EBF1: variants seen among roughly 807,000 people sequenced by gnomAD.
EBF1 encodes EBF transcription factor 1, also known as transcription factor COE1.
A neutral mutation model predicts 68.4 loss-of-function variants in EBF1; 10 were observed. That is an observed-to-expected ratio of 0.15 (90% confidence interval 0.09 to 0.25). EBF1 has a LOEUF of 0.25. EBF1 is among the 10% of genes least tolerant of loss of function. EBF1 has a pLI of 1.00. For missense variants in EBF1, 509 were observed against 794.4 expected, an observed-to-expected ratio of 0.64 and a Z score of 4.32; for synonymous variants, 298 against 299.8, an observed-to-expected ratio of 0.99 and a Z score of 0.06.
At chr5:159,094,808 T>C (rs1782297490) in intron 4 of EBF1, among the ~76,000 whole-genome samples, 1 of 152,214 alleles carries the variant, frequency 6.6e-6, no homozygotes, top group Non-Finnish European at 1.5e-5. Flanking sequence ...AACCAGCTAC[T>C]TAATTCTGAA....
At chr5:158,739,181 CG>C (rs964255192) in intron 10 of EBF1, among the ~76,000 whole-genome samples, 2 of 152,192 alleles carry the variant, frequency 1.3e-5, no homozygotes, top group African/African-American at 4.8e-5. Flanking sequence ...ATACTACAAC[CG>C]GTTGGCATTT....
At chr5:158,883,348 G>GTA (rs10615867) in intron 6 of EBF1, among the ~76,000 whole-genome samples, 142 of 148,454 alleles carry the variant, frequency 9.6e-4, no homozygotes, top group East Asian at 2.2e-3. Flanking sequence ...ATACATGCAT[G>GTA]TATATATATA....
rs200231119 is a variant in EBF1 at position 158,952,992 on chromosome 5, C to CT, written c.555-112883dup. On this transcript the variant is annotated intron_variant, in intron 6 of 15. Transcript: ENST00000313708. ...AAAAGAGGAAACTTGTTTAAAAATC[C>CT]TTTTTTTTTTTTAAGCAAGTGAGCA... 4.4e-3 allele frequency among the ~76,000 whole-genome samples: 636 copies of CT among 144,804 alleles called. 2 individuals are homozygous for CT. Among genetic ancestry groups the CT allele is most frequent in the East Asian group, 0.011 (54 of 5,000 alleles). 95.0% of individuals were successfully genotyped at this position (144,804 alleles called of 152,430 possible). A position where few individuals can be genotyped will look rare whatever the true frequency, so the allele number is the denominator to read the frequency against.
chr5:158,941,729 C>CTGGA (rs1363049081), intron 6 of EBF1, among the ~76,000 whole-genome samples: 1 of 152,182 alleles, frequency 6.6e-6, no homozygotes, highest in African/African-American at 2.4e-5. Context: ...CACACCCCTG[C>CTGGA]TGAAACCAAA....
At chr5:158,951,991 G>C (rs373014358) in intron 6 of EBF1, among the ~76,000 whole-genome samples, 1 of 152,058 alleles carries the variant, frequency 6.6e-6, no homozygotes, top group African/African-American at 2.4e-5. Context: ...AAATGAAGTC[G>C]ACTACCGAGC....
At chr5:159,066,454 G>A (rs377465533) in intron 6 of EBF1, among the ~76,000 whole-genome samples, 5 of 152,126 alleles carry the variant, frequency 3.3e-5, no homozygotes, top group Admixed American at 6.5e-5. Context: ...TGTTCCCACC[G>A]AAAGTGGAGT....
At position 158,910,311 on chromosome 5, in the gene EBF1, C is replaced by T. The variant is rs574564643; in HGVS notation, c.555-70201G>A. 6.6e-5 allele frequency among the ~76,000 whole-genome samples: 10 copies of T among 152,276 alleles called. No homozygotes were observed. In the South Asian group the frequency reaches 1.7e-3, roughly 25 times the overall value. On this transcript the variant is annotated intron_variant, in intron 6 of 15. Coordinates refer to ENST00000313708, the MANE Select transcript of EBF1 (RefSeq NM_024007.5). Reference sequence around the variant, plus strand: ...TACCAGAATCAAATTATTAAAATGCCCTTCTCACAAAAGCATAACTTTCTG... The same window carrying T: ...TACCAGAATCAAATTATTAAAATGCTCTTCTCACAAAAGCATAACTTTCTG...
chr5:158,816,937 G>C (rs1214525546), intron 8 of EBF1, among the ~76,000 whole-genome samples: 1 of 152,118 alleles, frequency 6.6e-6, no homozygotes, highest in African/African-American at 2.4e-5. Flanking sequence ...CAGCAGCGAA[G>C]AGCAAAGTTA....
intron 5 of EBF1, 137 bp downstream of exon 5, chr5:159,084,529 A>C: frequency 3.3e-6 from 2 of 610,274 alleles, no homozygotes; most frequent in Non-Finnish European, 2.6e-6. Context: ...CACATCTAAC[A>C]GTTCTTTTTA....
chr5:159,069,687 G>T (rs965433615), intron 6 of EBF1, among the ~76,000 whole-genome samples: 4 of 152,124 alleles, frequency 2.6e-5, no homozygotes, highest in Admixed American at 2.6e-4. Flanking sequence ...ACTACCCTAT[G>T]TGACTTTTGT....
intron 7 of EBF1, among the ~76,000 whole-genome samples, chr5:158,830,505 G>T (rs148910201): frequency 3.9e-5 from 6 of 152,126 alleles, no homozygotes; most frequent in Non-Finnish European, 7.4e-5. Context: ...TCTTGAGCTC[G>T]TGATCCGTCC....
chr5:159,081,084 G>A (rs187139336), intron 5 of EBF1, among the ~76,000 whole-genome samples: 2 of 152,062 alleles, frequency 1.3e-5, no homozygotes, highest in East Asian at 1.9e-4. Context: ...GGGCTCAAGC[G>A]ATCCTCCCAC....
At chr5:158,708,207 C>T (rs1034562106) in intron 14 of EBF1, 34 bp from the exon 15 acceptor site, 2 of 1,545,888 alleles carry the variant, frequency 1.3e-6, no homozygotes, top group African/African-American at 1.4e-5. Context: ...GAAATCAGTG[C>T]CTTTCATGGC....
intron 6 of EBF1, among the ~76,000 whole-genome samples, chr5:158,893,256 C>T (rs988437896): frequency 1.3e-5 from 2 of 152,088 alleles, no homozygotes; most frequent in African/African-American, 2.4e-5. Context: ...TTTTTCTCTT[C>T]CCCTGGTTAT....
chr5:158,860,479 C>A (rs1489871941), intron 6 of EBF1, among the ~76,000 whole-genome samples: 1 of 152,200 alleles, frequency 6.6e-6, no homozygotes, highest in African/African-American at 2.4e-5. Flanking sequence ...GTATAAGTGA[C>A]CCCACTCAGA....
At chr5:158,882,421 C>T (rs917141385) in intron 6 of EBF1, among the ~76,000 whole-genome samples, 5 of 152,082 alleles carry the variant, frequency 3.3e-5, no homozygotes, top group South Asian at 4.2e-4. Context: ...GAGCCTGCCA[C>T]GTATTCTGGG....
rs1231142430 is a variant in EBF1, at chr5:158,800,255, GTTGATTT to G, written c.779-3787_779-3781del. ...GCAAACTAAAGGACAGTGTAATTAA[GTTGATTT>G]TTAAATGATATATATGAACCTGTAT... On this transcript the variant is annotated intron_variant, in intron 8 of 15. Coordinates refer to ENST00000313708, the MANE Select transcript of EBF1 (RefSeq NM_024007.5). Among the ~76,000 whole-genome samples the G allele has an allele frequency of 2.6e-5, 4 of 152,274 alleles. No individual in the cohort carries two copies. The East Asian group carries it at 7.7e-4, about 29-fold the overall frequency.
intron 15 of EBF1, among the ~76,000 whole-genome samples, chr5:158,700,456 T>C (rs1756487890): frequency 6.6e-6 from 1 of 151,754 alleles, no homozygotes; most frequent in African/African-American, 2.4e-5. Flanking sequence ...TTGTCAGTGA[T>C]GACTGTGTCT....
At chr5:159,091,888 G>A (rs181589687) in intron 4 of EBF1, among the ~76,000 whole-genome samples, 6 of 152,122 alleles carry the variant, frequency 3.9e-5, no homozygotes, top group Non-Finnish European at 8.8e-5. Context: ...ATGTGACTAC[G>A]ATTTCCTGCT....
Sources: gnomAD v4.1 joint callset for allele counts (sites outside exome capture counted in the v4.1 genomes callset) on GRCh38, gnomAD v4.1.1 for gene constraint, MANE v1.5 for transcripts, NCBI Gene and HGNC (gene_info 2026-07-23, HGNC 2026-07-21) for gene names.